Variants in CACHD1 observed in about 807,000 individuals in gnomAD.
CACHD1 encodes the protein cache domain containing 1.
Under a neutral mutation model 138.7 loss-of-function variants are expected in CACHD1, and 71 were observed. The ratio of observed to expected loss-of-function variants is 0.51; its 90% confidence interval spans 0.42 to 0.62. The LOEUF (loss-of-function observed/expected upper bound fraction) is 0.62, where lower values mean the gene tolerates loss of function less well. Ranked by LOEUF, CACHD1 falls within the 20% of genes least tolerant of loss-of-function variation. CACHD1 has a pLI of 0.00. For synonymous variants in CACHD1, 578 were observed against 591.5 expected (o/e 0.98, Z 0.33); for missense variants, 1,389 against 1,625.3 (o/e 0.85, Z 2.50).
intron 7 of CACHD1, among the ~76,000 whole-genome samples, chr1:64,634,863 G>T (rs1648457371): frequency 6.6e-6 from 1 of 151,968 alleles, no homozygotes; most frequent in South Asian, 2.1e-4. Flanking sequence ...AGGCATGGTG[G>T]TGGTTGCCTG....
intron 26 of CACHD1, among the ~76,000 whole-genome samples, chr1:64,688,923 G>A (rs972960277): frequency 1.3e-5 from 2 of 152,032 alleles, no homozygotes; most frequent in Non-Finnish European, 2.9e-5. Flanking sequence ...CTACCCAATT[G>A]TCACCTCAAG....
intron 2 of CACHD1, among the ~76,000 whole-genome samples, chr1:64,574,492 A>C (rs1257093167): frequency 6.6e-6 from 1 of 152,178 alleles, no homozygotes; most frequent in African/African-American, 2.4e-5. Context: ...TGACAGCTGT[A>C]GTAAGGTCAT....
intron 16 of CACHD1, among the ~76,000 whole-genome samples, chr1:64,666,848 CAAAAAAA>C (rs946649209): frequency 1.2e-4 from 4 of 33,956 alleles, no homozygotes; most frequent in South Asian, 1.3e-3. Context: ...GATCCTGTCT[CAAAAAAA>C]AAAAAAAAAA....
chr1:64,587,230 A>G (rs1004380382), intron 3 of CACHD1, among the ~76,000 whole-genome samples: 3 of 152,226 alleles, frequency 2.0e-5, no homozygotes, highest in Admixed American at 1.3e-4. Context: ...CAATGTTTTT[A>G]TAAGTAATTT....
chr1:64,687,294 A>T (rs1165547791), intron 26 of CACHD1, among the ~76,000 whole-genome samples: 1 of 152,210 alleles, frequency 6.6e-6, no homozygotes, highest in Non-Finnish European at 1.5e-5. Flanking sequence ...TTTGTTGAAT[A>T]CGAAAATGTG....
At chr1:64,568,407 T>G (rs61787378) in intron 2 of CACHD1, among the ~76,000 whole-genome samples, 159 of 152,190 alleles carry the variant, frequency 1.0e-3, no homozygotes, top group Admixed American at 2.7e-3. Context: ...CTTAGATACC[T>G]CTCAGAACTC....
intron 1 of CACHD1, among the ~76,000 whole-genome samples, chr1:64,489,521 C>T (rs1042214164): frequency 2.6e-5 from 4 of 152,126 alleles, no homozygotes; most frequent in Admixed American, 6.5e-5. Context: ...AAGCAGACCC[C>T]GCTCTCAGGC....
intron 3 of CACHD1, among the ~76,000 whole-genome samples, chr1:64,586,596 C>T (rs1647053293): frequency 6.6e-6 from 1 of 152,070 alleles, no homozygotes. Context: ...TCAGTTTCCT[C>T]ATCAGTGAGA....
At chr1:64,627,985 A>G (rs1204117705) in intron 4 of CACHD1, among the ~76,000 whole-genome samples, 2 of 152,226 alleles carry the variant, frequency 1.3e-5, no homozygotes, top group African/African-American at 4.8e-5. Flanking sequence ...TGAAGAAAAT[A>G]AAATGTGTCA....
At chr1:64,474,891 G>C (rs551684847) in intron 1 of CACHD1, among the ~76,000 whole-genome samples, 12 of 152,376 alleles carry the variant, frequency 7.9e-5, no homozygotes, top group African/African-American at 2.9e-4. Context: ...AGACAGACCA[G>C]CAGGTTGGTC....
chr1:64,473,250 A>G (rs1036924686), intron 1 of CACHD1, among the ~76,000 whole-genome samples: 1 of 152,074 alleles, frequency 6.6e-6, no homozygotes, highest in Non-Finnish European at 1.5e-5. Context: ...TGAGCTGTAC[A>G]TTGATCTGCC....
chr1:64,645,991 C>A (rs781428975), intron 8 of CACHD1, among the ~76,000 whole-genome samples: 1 of 152,146 alleles, frequency 6.6e-6, no homozygotes, highest in Non-Finnish European at 1.5e-5. Flanking sequence ...GGCAACCCAG[C>A]GTACTTACCA....
chr1:64,582,216 C>G lies in CACHD1; in HGVS notation c.322C>G (p.Gln108Glu). 1 of 1,614,080 alleles carries G rather than the reference C, an allele frequency of 6.2e-7. No homozygotes were observed. Among genetic ancestry groups the G allele is most frequent in the Non-Finnish European group, 8.5e-7 (1 of 1,179,924 alleles). ...RYLDVVNRNK[Q>E]VVEASYTAHL... is the part of the protein sequence containing the mutation. ...CTTGGATGTGGTCAATCGGAACAAGCAAGTTGTAGAAGCATCCTATACGGC... is the reference window on the plus strand; with the variant it reads ...CTTGGATGTGGTCAATCGGAACAAGGAAGTTGTAGAAGCATCCTATACGGC... The change falls in exon 3 of 27, where the codon CAA (glutamine) becomes GAA (glutamate). Residue 108 changes from glutamine (Q) to glutamate (E), a missense_variant. Transcript: ENST00000651257.
intron 1 of CACHD1, among the ~76,000 whole-genome samples, chr1:64,498,067 C>T (rs2100314190): frequency 6.6e-6 from 1 of 152,304 alleles, no homozygotes; most frequent in East Asian, 1.9e-4. Context: ...GCGGAGGTTG[C>T]AGTGAGCTGA....
rs535935166 is a variant in CACHD1, at chr1:64,675,804, G to C, written c.2889-93G>C. ...TCTTTTTTACTATTCTTTTAAACTA[G>C]CTCAGAGCTTCATTATTTTGCTTCC... is the stretch of plus-strand genomic sequence containing the variant. On this transcript the variant is annotated intron_variant, in intron 20 of 26. Transcript: ENST00000651257. 164 of 826,096 alleles carry C rather than the reference G, an allele frequency of 2.0e-4. No individual in the cohort carries two copies. In the African/African-American group the frequency reaches 2.7e-3, roughly 14 times the overall value. The allele number at this position is 826,096 out of a possible 1,614,324, so 51.2% of individuals were successfully genotyped here. A position where few individuals can be genotyped will look rare whatever the true frequency, so the allele number is the denominator to read the frequency against.
intron 1 of CACHD1, among the ~76,000 whole-genome samples, chr1:64,518,955 G>A (rs1015067244): frequency 6.6e-6 from 1 of 152,118 alleles, no homozygotes; most frequent in African/African-American, 2.4e-5. Context: ...CTTAGCTTGT[G>A]CCTTCCAACC....
chr1:64,615,824 A>G (rs1647688560), intron 4 of CACHD1, among the ~76,000 whole-genome samples: 1 of 152,202 alleles, frequency 6.6e-6, no homozygotes, highest in Non-Finnish European at 1.5e-5. Flanking sequence ...ACATGAAACC[A>G]TCTATGATGA....
At chr1:64,689,392 C>G (rs777397747) in intron 26 of CACHD1, among the ~76,000 whole-genome samples, 22 of 152,178 alleles carry the variant, frequency 1.4e-4, no homozygotes, top group Non-Finnish European at 2.6e-4. Context: ...CACAGTCCCC[C>G]ACATCTGATG....
intron 2 of CACHD1, among the ~76,000 whole-genome samples, chr1:64,566,196 C>A (rs2100496835): frequency 6.6e-6 from 1 of 152,222 alleles, no homozygotes; most frequent in South Asian, 2.1e-4. Context: ...TGTATCTTTC[C>A]CTAATAGAAT....
Sources: gnomAD v4.1 joint callset for allele counts (sites outside exome capture counted in the v4.1 genomes callset) on GRCh38, gnomAD v4.1.1 for gene constraint, MANE v1.5 for transcripts, NCBI Gene and HGNC (gene_info 2026-07-23, HGNC 2026-07-21) for gene names.